The following BRINP2 variants were observed in gnomAD, a reference collection of about 807,000 sequenced individuals.
The protein encoded by BRINP2 is BMP/retinoic acid-inducible neural-specific protein 2.
Under a neutral mutation model 69.2 loss-of-function variants are expected in BRINP2, and 21 were observed. That is an observed-to-expected ratio of 0.30 (90% CI 0.22 to 0.44). BRINP2 has a LOEUF of 0.44. Ranked by LOEUF, BRINP2 falls within the 20% of genes least tolerant of loss-of-function variation. The probability of loss-of-function intolerance (pLI) is 1.00; values close to 1 mark genes in which losing one functional copy is unlikely to be tolerated. For missense variants in BRINP2, 877 were observed against 986.0 expected (o/e 0.89, Z 1.48); for synonymous variants, 380 against 394.1 (o/e 0.96, Z 0.42).
At chr1:177,253,843 A>T (rs973700526) in intron 2 of BRINP2, among the ~76,000 whole-genome samples, 6 of 151,976 alleles carry the variant, frequency 3.9e-5, no homozygotes, top group Non-Finnish European at 7.4e-5. Flanking sequence ...ATTTATTTTT[A>T]ATTATTTTAT....
chr1:177,251,004 C>A (rs1347513584), intron 2 of BRINP2, among the ~76,000 whole-genome samples: 4 of 152,188 alleles, frequency 2.6e-5, no homozygotes, highest in Admixed American at 6.5e-5. Flanking sequence ...ATGCCTATCA[C>A]ATACTAAAAA....
At chr1:177,209,873 T>G (rs1446678298) in intron 1 of BRINP2, among the ~76,000 whole-genome samples, 1 of 152,230 alleles carries the variant, frequency 6.6e-6, no homozygotes, top group African/African-American at 2.4e-5. Flanking sequence ...TATAGAAAAT[T>G]TGGAAATACA....
chr1:177,258,789 A>G (rs1337921891), intron 4 of BRINP2, among the ~76,000 whole-genome samples: 1 of 152,126 alleles, frequency 6.6e-6, no homozygotes, highest in East Asian at 1.9e-4. Context: ...TTGGAGTGTC[A>G]CAAATTGCAC....
chr1:177,175,060 C>G (rs572826459), intron 1 of BRINP2, among the ~76,000 whole-genome samples: 1 of 152,278 alleles, frequency 6.6e-6, no homozygotes, highest in South Asian at 2.1e-4. Flanking sequence ...TAAGAGAGAG[C>G]CTTGATTTTC....
intron 1 of BRINP2, among the ~76,000 whole-genome samples, chr1:177,178,519 G>A (rs1395611419): frequency 6.6e-6 from 1 of 152,020 alleles, no homozygotes; most frequent in African/African-American, 2.4e-5. Flanking sequence ...CTTCTTGAAG[G>A]GTTACTGAGC....
chr1:177,250,317 C>G (rs1353581904), intron 2 of BRINP2, among the ~76,000 whole-genome samples: 1 of 150,668 alleles, frequency 6.6e-6, no homozygotes, highest in Non-Finnish European at 1.5e-5. Flanking sequence ...TGTGTGCATT[C>G]TTTGTTTGTT....
chr1:177,275,247 AACTGGTAGTT>A (rs954334024), intron 5 of BRINP2: 20 of 456,258 alleles, frequency 4.4e-5, no homozygotes, highest in Admixed American at 4.0e-4. Context: ...GCTGTAGGTA[AACTGGTAGTT>A]ACTGCAGTTG....
At chr1:177,194,857 G>A (rs1005395118) in intron 1 of BRINP2, among the ~76,000 whole-genome samples, 5 of 151,988 alleles carry the variant, frequency 3.3e-5, no homozygotes, top group Non-Finnish European at 4.4e-5. Flanking sequence ...CCCTTAAGAC[G>A]CTCTGTACTT....
Position 177,174,992 on chromosome 1 carries a change from C to T in BRINP2, c.-77+3260C>T, listed in dbSNP as rs557412155. Among the ~76,000 whole-genome samples, 7 of 152,244 alleles carry T rather than the reference C, an allele frequency of 4.6e-5. 1 individual carries two copies. The East Asian group carries it at 1.4e-3, about 29-fold the overall frequency. The stretch of plus-strand genomic sequence containing the variant: ...TCTGAATGAGGATATTGGGGGTAAG[C>T]AAGCAAATTTTAAGAGAACACACAC... On this transcript the variant is annotated intron_variant, in intron 1 of 7. Coordinates refer to ENST00000361539, the MANE Select transcript of BRINP2 (RefSeq NM_021165.4).
intron 2 of BRINP2, among the ~76,000 whole-genome samples, chr1:177,254,477 T>C (rs529150430): frequency 5.3e-5 from 8 of 152,186 alleles, no homozygotes; most frequent in Non-Finnish European, 8.8e-5. Context: ...GACCCTTGGG[T>C]ACATGTGTTT....
At chr1:177,267,500 C>A (rs1651166161) in intron 4 of BRINP2, among the ~76,000 whole-genome samples, 1 of 152,202 alleles carries the variant, frequency 6.6e-6, no homozygotes, top group Admixed American at 6.5e-5. Flanking sequence ...GCCACCATGG[C>A]AGAGATCACT....
chr1:177,275,085 C>G, intron 5 of BRINP2: 1 of 456,090 alleles, frequency 2.2e-6, no homozygotes, highest in South Asian at 1.5e-5. Flanking sequence ...GGCACAAGGT[C>G]TCACAGTGTC....
intron 4 of BRINP2, among the ~76,000 whole-genome samples, chr1:177,270,523 G>A (rs2102358293): frequency 6.6e-6 from 1 of 151,860 alleles, no homozygotes; most frequent in East Asian, 2.0e-4. Flanking sequence ...ATGCATTGGT[G>A]GCAGGCAGGG....
chr1:177,250,790 T>C (rs1650556542), intron 2 of BRINP2, among the ~76,000 whole-genome samples: 1 of 152,240 alleles, frequency 6.6e-6, no homozygotes, highest in Non-Finnish European at 1.5e-5. Context: ...GGAGGTAGTA[T>C]AGCCTAGTGG....
At chr1:177,186,288 T>G (rs934266134) in intron 1 of BRINP2, among the ~76,000 whole-genome samples, 1 of 152,124 alleles carries the variant, frequency 6.6e-6, no homozygotes, top group African/African-American at 2.4e-5. Context: ...TCTGGCAAGT[T>G]GCTTCACTTC....
At chr1:177,243,641 C>T (rs1650280243) in intron 2 of BRINP2, among the ~76,000 whole-genome samples, 1 of 152,156 alleles carries the variant, frequency 6.6e-6, no homozygotes, top group Non-Finnish European at 1.5e-5. Flanking sequence ...TGGATAGATA[C>T]AATCAAGACA....
intron 1 of BRINP2, among the ~76,000 whole-genome samples, chr1:177,191,039 G>A (rs1558153392): frequency 6.6e-6 from 1 of 152,138 alleles, no homozygotes; most frequent in Non-Finnish European, 1.5e-5. Context: ...ATATTGCAAA[G>A]GGCCCTGGCT....
intron 2 of BRINP2, among the ~76,000 whole-genome samples, chr1:177,245,696 C>A (rs915171736): frequency 3.9e-5 from 6 of 152,108 alleles, no homozygotes; most frequent in Non-Finnish European, 1.5e-5. Flanking sequence ...GGTCTCAGCT[C>A]CCTCTTCAAA....
chr1:177,192,186 C>T (rs952013085), intron 1 of BRINP2, among the ~76,000 whole-genome samples: 1 of 152,154 alleles, frequency 6.6e-6, no homozygotes, highest in East Asian at 1.9e-4. Flanking sequence ...AATTTCCTCT[C>T]GTTACTTTTC....
Sources: gnomAD v4.1 joint callset for allele counts (sites outside exome capture counted in the v4.1 genomes callset) on GRCh38, gnomAD v4.1.1 for gene constraint, MANE v1.5 for transcripts, NCBI Gene and HGNC (gene_info 2026-07-23, HGNC 2026-07-21) for gene names.